Variants in CRIM1 observed in about 807,000 individuals in gnomAD.
The protein encoded by CRIM1 is cysteine-rich motor neuron 1 protein.
In CRIM1, 32 loss-of-function variants were observed where a neutral mutation model predicts 116.4. The ratio of observed to expected loss-of-function variants is 0.27; its 90% CI spans 0.21 to 0.37. The LOEUF is 0.37. CRIM1 is among the 10% of genes least tolerant of loss of function. CRIM1 has a pLI of 1.00. For missense variants in CRIM1, 1,331 were observed against 1,354.8 expected (o/e 0.98, Z 0.28); for synonymous variants, 590 against 509.2 (o/e 1.16, Z -2.13).
chr2:36,484,453 T>G (rs1324740957), intron 7 of CRIM1, among the ~76,000 whole-genome samples: 1 of 152,040 alleles, frequency 6.6e-6, no homozygotes, highest in Non-Finnish European at 1.5e-5. Flanking sequence ...GAAGGTAAGA[T>G]AAGGTATCGG....
At chr2:36,459,323 C>A (rs1394287385) in intron 4 of CRIM1, among the ~76,000 whole-genome samples, 1 of 152,096 alleles carries the variant, frequency 6.6e-6, no homozygotes, top group Non-Finnish European at 1.5e-5. Flanking sequence ...CTTCCACATA[C>A]TAATTTTGAA....
chr2:36,371,849 T>C (rs3821166), intron 1 of CRIM1, among the ~76,000 whole-genome samples: 24,966 of 152,158 alleles, frequency 0.16, 2,248 homozygotes, highest in Non-Finnish European at 0.19. Flanking sequence ...GATACTGTGG[T>C]GATCAGCTGC....
chr2:36,388,982 A>G (rs1162559887), intron 1 of CRIM1, among the ~76,000 whole-genome samples: 2 of 152,212 alleles, frequency 1.3e-5, no homozygotes, highest in Admixed American at 6.5e-5. Context: ...ACATTTAGAC[A>G]TTTACATCAG....
intron 7 of CRIM1, among the ~76,000 whole-genome samples, chr2:36,495,477 T>TA: frequency 8.4e-6 from 1 of 118,534 alleles, no homozygotes; most frequent in East Asian, 2.1e-4. Context: ...ATTTATTTAT[T>TA]TTTTTTTTTT....
intron 14 of CRIM1, among the ~76,000 whole-genome samples, chr2:36,539,977 A>T (rs968571433): frequency 6.6e-6 from 1 of 152,048 alleles, no homozygotes; most frequent in South Asian, 2.1e-4. Context: ...ATAAATAGAA[A>T]AGAAAAGAGA....
chr2:36,479,993 G>T (rs1558351631), intron 7 of CRIM1, among the ~76,000 whole-genome samples: 1 of 152,084 alleles, frequency 6.6e-6, no homozygotes, highest in South Asian at 2.1e-4. Flanking sequence ...ACACCCAAAG[G>T]TCAGCCTAAC....
At chr2:36,496,172 G>A (rs1303988701) in intron 7 of CRIM1, among the ~76,000 whole-genome samples, 1 of 152,168 alleles carries the variant, frequency 6.6e-6, no homozygotes, top group East Asian at 1.9e-4. Context: ...GTTCCAGTTT[G>A]TGTCTGAGTA....
In CRIM1 at chr2:36,366,799, T is replaced by C. The variant is rs184882492; in HGVS notation, c.331+10176T>C. 2.6e-5 allele frequency among the ~76,000 whole-genome samples: 4 copies of C among 152,334 alleles called. No homozygotes were observed. The East Asian group carries it at 7.7e-4, about 29-fold the overall frequency. ...ACAAAAGGCATCTTTTGTTGGAGAA[T>C]TGTGATACTTCTTTTTAAGACTGCG... On this transcript the variant is annotated intron_variant, in intron 1 of 16. Coordinates refer to ENST00000280527, the MANE Select transcript of CRIM1 (RefSeq NM_016441.3).
chr2:36,358,012 T>G (rs1414021210), intron 1 of CRIM1, among the ~76,000 whole-genome samples: 1 of 152,146 alleles, frequency 6.6e-6, no homozygotes, highest in Non-Finnish European at 1.5e-5. Context: ...GTTTGGACAG[T>G]TCAGGAAAAT....
chr2:36,535,550 GC>G (rs1187895064), intron 13 of CRIM1, among the ~76,000 whole-genome samples: 2 of 152,108 alleles, frequency 1.3e-5, no homozygotes, highest in Non-Finnish European at 2.9e-5. Context: ...ATTACTTAAT[GC>G]CCCTTGTTGA....
At chr2:36,438,385 TAAGC>T (rs1204987116) in intron 2 of CRIM1, among the ~76,000 whole-genome samples, 1 of 152,230 alleles carries the variant, frequency 6.6e-6, no homozygotes, top group Non-Finnish European at 1.5e-5. Flanking sequence ...GTTTGCCAGA[TAAGC>T]AGTCTACCAA....
At chr2:36,535,277 C>G (rs906107883) in intron 13 of CRIM1, among the ~76,000 whole-genome samples, 2 of 152,038 alleles carry the variant, frequency 1.3e-5, no homozygotes, top group African/African-American at 4.8e-5. Flanking sequence ...CAGAGTACTA[C>G]TTAAATTAGG....
rs1055755231 is a variant in CRIM1, at chr2:36,537,611, G to A, written c.2623+65G>A. On this transcript the variant is annotated intron_variant, in intron 14 of 16. Transcript: ENST00000280527. ...GTTGATTTAAGATGAAATCGAAGCA[G>A]AGCTCGACCTGCCCCTTCTTTCATT... 3.4e-6 allele frequency: 5 copies of A among 1,456,762 alleles called. No homozygotes were observed. In the African/African-American group the frequency reaches 7.1e-5, roughly 21 times the overall value. 90.2% of individuals were successfully genotyped at this position (1,456,762 alleles called of 1,614,324 possible).
chr2:36,466,480 A>T (rs1305158205), intron 5 of CRIM1, among the ~76,000 whole-genome samples: 1 of 152,160 alleles, frequency 6.6e-6, no homozygotes, highest in African/African-American at 2.4e-5. Context: ...AGATTCTGTG[A>T]ATACTTGTAC....
intron 7 of CRIM1, among the ~76,000 whole-genome samples, chr2:36,491,295 C>A (rs1012746973): frequency 2.0e-5 from 3 of 152,138 alleles, no homozygotes; most frequent in Non-Finnish European, 4.4e-5. Context: ...CGAGTGTCAT[C>A]ACTGAGTAAT....
chr2:36,420,242 G>C (rs1193704526), intron 2 of CRIM1, among the ~76,000 whole-genome samples: 1 of 152,084 alleles, frequency 6.6e-6, no homozygotes. Context: ...TGAGAATGTG[G>C]TGTTATTAAC....
At chr2:36,477,944 C>G (rs1429376377) in intron 6 of CRIM1, among the ~76,000 whole-genome samples, 1 of 152,180 alleles carries the variant, frequency 6.6e-6, no homozygotes, top group African/African-American at 2.4e-5. Context: ...AACACTGTTT[C>G]CCCAGAAAGG....
In CRIM1 at chr2:36,548,448, G is replaced by A. The variant is rs888769596; in HGVS notation, c.2935-77G>A. The A allele has an allele frequency of 4.7e-6, 5 of 1,055,224 alleles. No homozygotes were observed. The African/African-American group carries it at 6.5e-5, about 14-fold the overall frequency. The allele number at this position is 1,055,224 out of a possible 1,614,324, so 65.4% of individuals were successfully genotyped here. Reference sequence around the variant, plus strand: ...GAAACTGTTATCTCACCTGAGTTAGGTACTAAATTTCTGTTCATTTGAGAT... The same window carrying A: ...GAAACTGTTATCTCACCTGAGTTAGATACTAAATTTCTGTTCATTTGAGAT... On this transcript the variant is annotated intron_variant, in intron 16 of 16. Coordinates refer to ENST00000280527, the MANE Select transcript of CRIM1 (RefSeq NM_016441.3).
At chr2:36,505,968 C>CT (rs1681363754) in intron 8 of CRIM1, among the ~76,000 whole-genome samples, 1 of 152,150 alleles carries the variant, frequency 6.6e-6, no homozygotes, top group East Asian at 1.9e-4. Context: ...TTATCACCTG[C>CT]TTTAACAGAT....
Sources: gnomAD v4.1 joint callset for allele counts (sites outside exome capture counted in the v4.1 genomes callset) on GRCh38, gnomAD v4.1.1 for gene constraint, MANE v1.5 for transcripts, NCBI Gene and HGNC (gene_info 2026-07-23, HGNC 2026-07-21) for gene names.